Variants in CACNA2D1 observed in about 807,000 individuals in gnomAD.
The protein encoded by CACNA2D1 is voltage-dependent calcium channel subunit alpha-2/delta-1.
A neutral mutation model predicts 171.5 loss-of-function variants in CACNA2D1; 53 were observed. The ratio of observed to expected loss-of-function variants is 0.31; its 90% CI spans 0.25 to 0.39. The LOEUF is 0.39. CACNA2D1 is among the 10% of genes least tolerant of loss of function. The pLI, the probability that CACNA2D1 is intolerant of heterozygous loss-of-function variation, is 1.00. For missense variants in CACNA2D1, 903 were observed against 1,299.8 expected, an observed-to-expected ratio of 0.69 and a Z score of 4.69; for synonymous variants, 442 against 443.1, an observed-to-expected ratio of 1.00 and a Z score of 0.03.
At chr7:82,417,692 A>G (rs1290917367) in intron 1 of CACNA2D1, among the ~76,000 whole-genome samples, 1 of 152,166 alleles carries the variant, frequency 6.6e-6, no homozygotes, top group East Asian at 1.9e-4. Flanking sequence ...AACAAAGGGG[A>G]AGAGCCGAAT....
chr7:82,231,488 G>C (rs1454390190), intron 3 of CACNA2D1, among the ~76,000 whole-genome samples: 1 of 152,040 alleles, frequency 6.6e-6, no homozygotes, highest in African/African-American at 2.4e-5. Context: ...GAGCTATTTA[G>C]ATCGAATTTC....
At chr7:82,310,296 T>TA (rs1184658306) in intron 3 of CACNA2D1, among the ~76,000 whole-genome samples, 1 of 151,860 alleles carries the variant, frequency 6.6e-6, no homozygotes, top group Non-Finnish European at 1.5e-5. Context: ...AGCAGATATA[T>TA]TTTTTGGTAA....
chr7:82,163,717 A>G (rs1795172357), intron 4 of CACNA2D1, among the ~76,000 whole-genome samples: 1 of 152,022 alleles, frequency 6.6e-6, no homozygotes, highest in South Asian at 2.1e-4. Flanking sequence ...CAGCTCAAAG[A>G]CTTCACACTT....
At chr7:82,365,240 G>A (rs2129447636) in intron 1 of CACNA2D1, among the ~76,000 whole-genome samples, 1 of 152,144 alleles carries the variant, frequency 6.6e-6, no homozygotes, top group Admixed American at 6.5e-5. Flanking sequence ...AAAAAAATTG[G>A]CCTTCCACCA....
intron 3 of CACNA2D1, among the ~76,000 whole-genome samples, chr7:82,179,199 G>A (rs1341805880): frequency 6.6e-6 from 1 of 151,892 alleles, no homozygotes. Context: ...TTCCACTCTG[G>A]GGTCTTAGAA....
In CACNA2D1 at chr7:82,369,570, C is replaced by G. The variant is rs186377241; in HGVS notation, c.96-19921G>C. Among the ~76,000 whole-genome samples, 63 of 151,984 alleles carry G rather than the reference C, an allele frequency of 4.1e-4. No homozygotes were observed. In the Middle Eastern group the frequency reaches 0.017, roughly 41 times the overall value. On this transcript the variant is annotated intron_variant, in intron 1 of 38. Coordinates refer to ENST00000356860, the MANE Select transcript of CACNA2D1 (RefSeq NM_000722.4). The stretch of plus-strand genomic sequence containing the variant: ...GAAATTGTAAGAAGTTATTCTACTA[C>G]TAAAACAGGCCAAGAAAAAAGACAG...
At chr7:82,184,498 T>A (rs2129174823) in intron 3 of CACNA2D1, among the ~76,000 whole-genome samples, 1 of 152,200 alleles carries the variant, frequency 6.6e-6, no homozygotes, top group South Asian at 2.1e-4. Context: ...TTATTATTTC[T>A]CTTCTTCTTA....
intron 10 of CACNA2D1, among the ~76,000 whole-genome samples, chr7:82,053,251 C>CA (rs4019049): frequency 0.035 from 4,012 of 115,768 alleles, 311 homozygotes; most frequent in African/African-American, 0.12. Context: ...GACTCCGTCT[C>CA]AAAAAAAAAA....
intron 25 of CACNA2D1, among the ~76,000 whole-genome samples, chr7:81,973,640 A>T (rs1357646117): frequency 1.3e-5 from 2 of 152,016 alleles, no homozygotes; most frequent in African/African-American, 4.8e-5. Context: ...AAAAAAGTCA[A>T]TTATGTGTAC....
At chr7:82,003,114 G>A (rs571190707) in intron 18 of CACNA2D1, among the ~76,000 whole-genome samples, 48 of 152,016 alleles carry the variant, frequency 3.2e-4, no homozygotes, top group Non-Finnish European at 5.7e-4. Flanking sequence ...TCTGTATAGC[G>A]TGCTCCTTTA....
intron 5 of CACNA2D1, among the ~76,000 whole-genome samples, chr7:82,119,748 G>A (rs148731352): frequency 4.3e-4 from 66 of 152,206 alleles, no homozygotes; most frequent in African/African-American, 5.3e-4. Context: ...CTATGGCTAC[G>A]TTTATGTCCC....
intron 38 of CACNA2D1, among the ~76,000 whole-genome samples, chr7:81,956,929 G>T (rs1419214571): frequency 6.6e-6 from 1 of 151,956 alleles, no homozygotes; most frequent in Non-Finnish European, 1.5e-5. Context: ...TTCTTAAAAG[G>T]TTAATTAATA....
chr7:82,036,068 T>C (rs1803257037), intron 11 of CACNA2D1, among the ~76,000 whole-genome samples: 1 of 152,130 alleles, frequency 6.6e-6, no homozygotes, highest in Admixed American at 6.6e-5. Flanking sequence ...CCACATTTCC[T>C]CTATGTGTGT....
At chr7:82,222,461 C>G (rs1374722640) in intron 3 of CACNA2D1, among the ~76,000 whole-genome samples, 1 of 152,186 alleles carries the variant, frequency 6.6e-6, no homozygotes, top group Non-Finnish European at 1.5e-5. Flanking sequence ...TGTCCTGTTT[C>G]TAGCTTGAGC....
intron 3 of CACNA2D1, among the ~76,000 whole-genome samples, chr7:82,204,829 T>C (rs1487012493): frequency 2.0e-5 from 3 of 151,986 alleles, no homozygotes; most frequent in Non-Finnish European, 2.9e-5. Flanking sequence ...GGGTGGAGTG[T>C]AAGGAAAATG....
intron 4 of CACNA2D1, among the ~76,000 whole-genome samples, chr7:82,147,796 C>G (rs28469871): frequency 2.0e-5 from 3 of 151,984 alleles, no homozygotes; most frequent in African/African-American, 7.3e-5. Flanking sequence ...TTAAAATAAT[C>G]TGTTCAAAAT....
chr7:82,018,516 A>T (rs1355200230), intron 12 of CACNA2D1, among the ~76,000 whole-genome samples: 1 of 152,162 alleles, frequency 6.6e-6, no homozygotes, highest in Non-Finnish European at 1.5e-5. Context: ...TTTAATATTA[A>T]ATAAGCAGAC....
intron 1 of CACNA2D1, among the ~76,000 whole-genome samples, chr7:82,352,640 C>G (rs531421545): frequency 7.9e-5 from 12 of 152,032 alleles, no homozygotes; most frequent in East Asian, 1.9e-4. Flanking sequence ...AAAACAACAA[C>G]AAGAATATGA....
chr7:82,270,010 G>A (rs1256519143), intron 3 of CACNA2D1, among the ~76,000 whole-genome samples: 2 of 152,046 alleles, frequency 1.3e-5, no homozygotes, highest in Non-Finnish European at 2.9e-5. Flanking sequence ...GAGAATACAA[G>A]AAAGACTCCA....
Sources: gnomAD v4.1 joint callset for allele counts (sites outside exome capture counted in the v4.1 genomes callset) on GRCh38, gnomAD v4.1.1 for gene constraint, MANE v1.5 for transcripts, NCBI Gene and HGNC (gene_info 2026-07-23, HGNC 2026-07-21) for gene names.